The following ADAM22 variants were observed in gnomAD, a reference collection of about 807,000 sequenced individuals.
ADAM22 encodes the protein disintegrin and metalloproteinase domain-containing protein 22.
Under a neutral mutation model 144.6 loss-of-function variants are expected in ADAM22, and 65 were observed. The observed-to-expected ratio is 0.45, with a 90% CI of 0.37 to 0.55. The LOEUF (loss-of-function observed/expected upper bound fraction) is 0.55, where lower values mean the gene tolerates loss of function less well. Among genes scored for constraint, ADAM22 ranks in the 20% least tolerant of loss-of-function variants. ADAM22 has a pLI of 0.00. For synonymous variants in ADAM22, 391 were observed against 412.6 expected (o/e 0.95, Z 0.63); for missense variants, 974 against 1,184.9 (o/e 0.82, Z 2.61).
chr7:87,996,856 A>G (rs2129453829), intron 3 of ADAM22, among the ~76,000 whole-genome samples: 1 of 152,308 alleles, frequency 6.6e-6, no homozygotes, highest in African/African-American at 2.4e-5. Context: ...CTCATTGCCT[A>G]GATTTATCCA....
intron 3 of ADAM22, among the ~76,000 whole-genome samples, chr7:88,026,432 A>T (rs1799048064): frequency 6.6e-6 from 1 of 152,336 alleles, no homozygotes; most frequent in Admixed American, 6.5e-5. Flanking sequence ...CCCATTCATG[A>T]GAATTCCACC....
intron 3 of ADAM22, among the ~76,000 whole-genome samples, chr7:87,999,289 A>G (rs1417595547): frequency 6.6e-6 from 1 of 152,210 alleles, no homozygotes; most frequent in Non-Finnish European, 1.5e-5. Context: ...CATTTATGAA[A>G]CAGTATACTA....
chr7:87,960,655 G>A (rs1847830982), intron 2 of ADAM22, among the ~76,000 whole-genome samples: 1 of 152,140 alleles, frequency 6.6e-6, no homozygotes, highest in South Asian at 2.1e-4. Flanking sequence ...TTTGAATAAT[G>A]AGGGAACTGA....
chr7:88,192,972 A>G, intron 30 of ADAM22, 144 bp from the exon 31 acceptor site: 1 of 917,688 alleles, frequency 1.1e-6, no homozygotes, highest in South Asian at 1.8e-5. Context: ...TGAGAATGAC[A>G]GAATATCTTC....
At chr7:88,106,210 A>T (rs1425873809) in intron 4 of ADAM22, among the ~76,000 whole-genome samples, 1 of 152,078 alleles carries the variant, frequency 6.6e-6, no homozygotes, top group East Asian at 1.9e-4. Context: ...GATGTGAAGT[A>T]CCACCCTATC....
chr7:88,179,194 C>G, intron 27 of ADAM22, 65 bp downstream of exon 27: 2 of 650,758 alleles, frequency 3.1e-6, no homozygotes. Flanking sequence ...TTTGATTACT[C>G]TACTTCAAAA....
chr7:88,104,206 A>G (rs1349690150), intron 4 of ADAM22, among the ~76,000 whole-genome samples: 1 of 152,212 alleles, frequency 6.6e-6, no homozygotes, highest in African/African-American at 2.4e-5. Context: ...GTATTGATGT[A>G]GAAGGATGCC....
intron 3 of ADAM22, among the ~76,000 whole-genome samples, chr7:88,030,236 C>T (rs930643272): frequency 1.2e-4 from 18 of 152,100 alleles, no homozygotes; most frequent in African/African-American, 3.9e-4. Flanking sequence ...CTTATTTCTT[C>T]TGCTTGATTA....
chr7:88,007,791 A>C (rs1794318640), intron 3 of ADAM22, among the ~76,000 whole-genome samples: 1 of 152,270 alleles, frequency 6.6e-6, no homozygotes, highest in Admixed American at 6.5e-5. Flanking sequence ...AAAACCATAA[A>C]AATCCTAAAA....
chr7:87,955,121 T>C (rs1846320327), intron 2 of ADAM22, among the ~76,000 whole-genome samples: 1 of 152,224 alleles, frequency 6.6e-6, no homozygotes, highest in Admixed American at 6.5e-5. Context: ...ATCTGAAGCC[T>C]TCTTCTCTCA....
At chr7:88,071,100 T>C (rs1470494503) in intron 3 of ADAM22, among the ~76,000 whole-genome samples, 1 of 152,144 alleles carries the variant, frequency 6.6e-6, no homozygotes, top group Non-Finnish European at 1.5e-5. Context: ...TGAGGTTTGG[T>C]CAAGCAAGTA....
chr7:87,944,668 A>G (rs1367835009), intron 2 of ADAM22, among the ~76,000 whole-genome samples: 2 of 152,172 alleles, frequency 1.3e-5, no homozygotes, highest in African/African-American at 2.4e-5. Context: ...GAAATCAGAG[A>G]GCAAATGATC....
At chr7:88,094,058 G>A (rs144821172) in intron 4 of ADAM22, among the ~76,000 whole-genome samples, 378 of 152,266 alleles carry the variant, frequency 2.5e-3, no homozygotes, top group African/African-American at 8.7e-3. Context: ...CAATAGACAT[G>A]AGTTGAGTGC....
chr7:87,937,919 G>A (rs778674822), intron 2 of ADAM22, among the ~76,000 whole-genome samples: 1 of 152,190 alleles, frequency 6.6e-6, no homozygotes. Context: ...ACATGTTGAT[G>A]TCTCTATCAC....
chr7:88,136,130 T>C (rs1832935570), intron 14 of ADAM22, 99 bp downstream of exon 14: 1 of 993,014 alleles, frequency 1.0e-6, no homozygotes, highest in Non-Finnish European at 1.4e-6. Flanking sequence ...GCATGGAATC[T>C]AGCACTTATA....
At chr7:87,996,258 G>A (rs1196395573) in intron 3 of ADAM22, among the ~76,000 whole-genome samples, 1 of 152,132 alleles carries the variant, frequency 6.6e-6, no homozygotes, top group African/African-American at 2.4e-5. Context: ...CTTAGTTCAG[G>A]CTGCCATAAC....
At chr7:88,149,698 T>G (rs1219622582) in intron 18 of ADAM22, among the ~76,000 whole-genome samples, 1 of 152,180 alleles carries the variant, frequency 6.6e-6, no homozygotes, top group East Asian at 1.9e-4. Flanking sequence ...CTGCACTTGT[T>G]TTGCAGTCCT....
At chr7:88,042,130 A>C (rs1437164799) in intron 3 of ADAM22, among the ~76,000 whole-genome samples, 1 of 151,998 alleles carries the variant, frequency 6.6e-6, no homozygotes, top group Non-Finnish European at 1.5e-5. Context: ...CAATCTAAGA[A>C]GAAAGTTTAT....
At chr7:88,142,009 A>G (rs1834827683) in intron 14 of ADAM22, among the ~76,000 whole-genome samples, 2 of 152,244 alleles carry the variant, frequency 1.3e-5, no homozygotes, top group Non-Finnish European at 1.5e-5. Flanking sequence ...TCTTTTTTCT[A>G]TTGACCTTTT....
Sources: gnomAD v4.1 joint callset for allele counts (sites outside exome capture counted in the v4.1 genomes callset) on GRCh38, gnomAD v4.1.1 for gene constraint, MANE v1.5 for transcripts, NCBI Gene and HGNC (gene_info 2026-07-23, HGNC 2026-07-21) for gene names.